GPC5: variants seen among roughly 807,000 people sequenced by gnomAD.
The protein encoded by GPC5 is glypican 5, also known as glypican-5.
Under a neutral mutation model 53.9 loss-of-function variants are expected in GPC5, and 47 were observed. The observed-to-expected ratio is 0.87, with a 90% CI of 0.69 to 1.11. The LOEUF (loss-of-function observed/expected upper bound fraction) is 1.11. Ranked by LOEUF, GPC5 falls within the 50% of genes most tolerant of loss-of-function variation. The probability of loss-of-function intolerance (pLI) is 0.00; values close to 1 mark genes in which losing one functional copy is unlikely to be tolerated. For synonymous variants in GPC5, 286 were observed against 263.3 expected (o/e 1.09, Z -0.84); for missense variants, 748 against 713.1 (o/e 1.05, Z -0.56).
At chr13:91,620,434 G>A (rs113381642) in intron 2 of GPC5, among the ~76,000 whole-genome samples, 463 of 152,164 alleles carry the variant, frequency 3.0e-3, no homozygotes, top group African/African-American at 9.7e-3. Context: ...TGAGAGTTTT[G>A]ATAAAATGAC....
chr13:92,832,018 A>C (rs968248564), intron 7 of GPC5, among the ~76,000 whole-genome samples: 1 of 152,118 alleles, frequency 6.6e-6, no homozygotes, highest in African/African-American at 2.4e-5. Flanking sequence ...GCACTCCTAG[A>C]ATTTATTCAT....
At chr13:91,576,007 C>A (rs761677790) in intron 2 of GPC5, among the ~76,000 whole-genome samples, 8 of 151,782 alleles carry the variant, frequency 5.3e-5, no homozygotes, top group Non-Finnish European at 8.8e-5. Context: ...GCATGAAAAC[C>A]GATAATGTCA....
At chr13:92,470,371 T>A (rs1173433644) in intron 7 of GPC5, among the ~76,000 whole-genome samples, 1 of 152,170 alleles carries the variant, frequency 6.6e-6, no homozygotes, top group African/African-American at 2.4e-5. Flanking sequence ...TTTTTTAAAT[T>A]TTTTTATTAT....
At chr13:91,643,210 A>G (rs776760710) in intron 2 of GPC5, among the ~76,000 whole-genome samples, 7 of 152,164 alleles carry the variant, frequency 4.6e-5, no homozygotes, top group African/African-American at 9.7e-5. Flanking sequence ...AGAAAAAGAT[A>G]AAGCCTCATT....
chr13:91,704,723 T>C lies in GPC5; in HGVS notation c.1020+10842T>C, dbSNP rs141553418. Reference sequence around the variant, plus strand: ...GTCTTGACCACAAAGTCAATAGTCATATTACATGATCCTCGGAGTAAGGAC... The same window carrying C: ...GTCTTGACCACAAAGTCAATAGTCACATTACATGATCCTCGGAGTAAGGAC... On this transcript the variant is annotated intron_variant, in intron 3 of 7. Coordinates refer to ENST00000377067, the MANE Select transcript of GPC5 (RefSeq NM_004466.6). Among the ~76,000 whole-genome samples the C allele has an allele frequency of 5.0e-4, 76 of 152,352 alleles. No homozygotes were observed. The East Asian group carries it at 0.013, about 25-fold the overall frequency.
At chr13:92,477,195 T>C (rs1269910036) in intron 7 of GPC5, among the ~76,000 whole-genome samples, 2 of 152,184 alleles carry the variant, frequency 1.3e-5, no homozygotes, top group African/African-American at 4.8e-5. Context: ...CAGGAAACTA[T>C]GGCTTTATAT....
intron 7 of GPC5, among the ~76,000 whole-genome samples, chr13:92,817,145 C>G (rs556897153): frequency 6.6e-6 from 1 of 152,080 alleles, no homozygotes; most frequent in South Asian, 2.1e-4. Context: ...TCTAAATTAT[C>G]ATACTTATTT....
chr13:92,070,327 C>A (rs1887117), intron 6 of GPC5, among the ~76,000 whole-genome samples: 79,311 of 151,970 alleles, frequency 0.52, 21,306 homozygotes, highest in East Asian at 0.79. Context: ...GCATTACTAC[C>A]TGAATACAAC....
intron 7 of GPC5, among the ~76,000 whole-genome samples, chr13:92,777,559 C>T (rs1296762628): frequency 6.6e-6 from 1 of 152,124 alleles, no homozygotes; most frequent in Admixed American, 6.5e-5. Flanking sequence ...GGGGAGGTTG[C>T]AGTGAGCCGA....
intron 7 of GPC5, among the ~76,000 whole-genome samples, chr13:92,234,566 G>C (rs7336648): frequency 0.081 from 12,339 of 151,922 alleles, 1,509 homozygotes; most frequent in African/African-American, 0.27. Context: ...AAAGACAAAA[G>C]GGTTTGGGCT....
At chr13:91,999,157 T>C (rs961201812) in intron 6 of GPC5, among the ~76,000 whole-genome samples, 3 of 152,212 alleles carry the variant, frequency 2.0e-5, no homozygotes, top group African/African-American at 7.2e-5. Context: ...AAGAGAAATT[T>C]AATCTCATTT....
intron 7 of GPC5, among the ~76,000 whole-genome samples, chr13:92,653,186 G>A (rs1240970719): frequency 6.6e-6 from 1 of 152,178 alleles, no homozygotes; most frequent in Non-Finnish European, 1.5e-5. Context: ...CAGAAGGATA[G>A]GGTGAATATG....
intron 7 of GPC5, among the ~76,000 whole-genome samples, chr13:92,264,841 G>A (rs1362662686): frequency 1.4e-5 from 2 of 144,034 alleles, no homozygotes; most frequent in Non-Finnish European, 3.1e-5. Flanking sequence ...TTTGTGTCTT[G>A]TATATGTTTA....
intron 6 of GPC5, among the ~76,000 whole-genome samples, chr13:92,139,888 A>C (rs1327382130): frequency 6.6e-6 from 1 of 152,188 alleles, no homozygotes; most frequent in African/African-American, 2.4e-5. Flanking sequence ...GTTCAAATAA[A>C]TAAATCAAAA....
chr13:91,670,205 C>T (rs972329738), intron 2 of GPC5, among the ~76,000 whole-genome samples: 1 of 152,154 alleles, frequency 6.6e-6, no homozygotes, highest in Admixed American at 6.6e-5. Flanking sequence ...TACAATTTTC[C>T]TTTGCTCTCT....
At chr13:92,288,521 T>C (rs1594071364) in intron 7 of GPC5, among the ~76,000 whole-genome samples, 3 of 152,304 alleles carry the variant, frequency 2.0e-5, no homozygotes, top group Admixed American at 6.5e-5. Context: ...ATTGTGACTA[T>C]AGTCAGCTAA....
intron 7 of GPC5, chr13:92,509,855 T>G (rs1880502075): frequency 6.6e-6 from 1 of 152,152 alleles, no homozygotes; most frequent in Admixed American, 6.6e-5. Flanking sequence ...GAAATGAATA[T>G]TTTTGCTCAT....
At chr13:91,767,826 T>G (rs1053582167) in intron 5 of GPC5, among the ~76,000 whole-genome samples, 3 of 152,186 alleles carry the variant, frequency 2.0e-5, no homozygotes, top group African/African-American at 7.2e-5. Context: ...CCCATCTGTT[T>G]GGCACAGAAG....
chr13:91,996,176 G>A (rs759029386), intron 6 of GPC5: 6 of 152,200 alleles, frequency 3.9e-5, no homozygotes, highest in Non-Finnish European at 7.3e-5. Flanking sequence ...TATTGATGTG[G>A]TTTATGTGTC....
Sources: gnomAD v4.1 joint callset for allele counts (sites outside exome capture counted in the v4.1 genomes callset) on GRCh38, gnomAD v4.1.1 for gene constraint, MANE v1.5 for transcripts, NCBI Gene and HGNC (gene_info 2026-07-23, HGNC 2026-07-21) for gene names.